Variants in OPCML observed in about 807,000 individuals in gnomAD.
The protein encoded by OPCML is opioid binding protein/cell adhesion molecule like.
A neutral mutation model predicts 37.8 loss-of-function variants in OPCML; 13 were observed. That is an observed-to-expected ratio of 0.34 (90% CI 0.22 to 0.55). The LOEUF (loss-of-function observed/expected upper bound fraction) is 0.55, where lower values mean the gene tolerates loss of function less well. Ranked by LOEUF, OPCML falls within the 20% of genes least tolerant of loss-of-function variation. OPCML has a pLI of 0.91. For missense variants in OPCML, 341 were observed against 435.6 expected, an observed-to-expected ratio of 0.78 and a Z score of 1.93; for synonymous variants, 176 against 168.8, an observed-to-expected ratio of 1.04 and a Z score of -0.33.
chr11:133,040,243 T>C (rs1329965915), intron 1 of OPCML, among the ~76,000 whole-genome samples: 5 of 152,146 alleles, frequency 3.3e-5, no homozygotes, highest in Non-Finnish European at 7.3e-5. Flanking sequence ...AATGCCTTCA[T>C]CACCTCCTCC....
At chr11:133,145,519 G>A (rs1949885348) in intron 1 of OPCML, among the ~76,000 whole-genome samples, 1 of 152,178 alleles carries the variant, frequency 6.6e-6, no homozygotes, top group Non-Finnish European at 1.5e-5. Context: ...AGTTTGATAA[G>A]GTCACAGTGT....
intron 1 of OPCML, among the ~76,000 whole-genome samples, chr11:133,467,889 T>A (rs1947012808): frequency 6.6e-6 from 1 of 152,184 alleles, no homozygotes; most frequent in African/African-American, 2.4e-5. Flanking sequence ...GGGGAAAGAA[T>A]GGCAGCTTTG....
At chr11:133,027,490 TTGTGTGTGTG>T (rs72047458) in intron 1 of OPCML, among the ~76,000 whole-genome samples, 1 of 110,966 alleles carries the variant, frequency 9.0e-6, no homozygotes, top group African/African-American at 3.3e-5. Flanking sequence ...TGTGTGTGTG[TTGTGTGTGTG>T]TGTGTGTAGT....
chr11:132,584,525 T>C (rs2096468502), intron 3 of OPCML, among the ~76,000 whole-genome samples: 1 of 152,224 alleles, frequency 6.6e-6, no homozygotes. Context: ...TTTAATTTCA[T>C]AAAGGATAAT....
At chr11:133,411,497 G>A (rs1945651135) in intron 1 of OPCML, among the ~76,000 whole-genome samples, 1 of 152,160 alleles carries the variant, frequency 6.6e-6, no homozygotes, top group Admixed American at 6.5e-5. Flanking sequence ...GCAGTCCCAG[G>A]CCTGGCCAGC....
intron 2 of OPCML, chr11:132,771,519 C>T (rs963389804): frequency 1.6e-4 from 25 of 152,158 alleles, no homozygotes; most frequent in African/African-American, 5.6e-4. Flanking sequence ...TCCTATTATC[C>T]TTGTTTATTT....
chr11:132,804,660 G>A (rs891733126), intron 2 of OPCML, among the ~76,000 whole-genome samples: 2 of 152,144 alleles, frequency 1.3e-5, no homozygotes, highest in African/African-American at 4.8e-5. Context: ...AATAGAGCAC[G>A]ACTTATGCTA....
chr11:132,756,507 G>A (rs1274683770), intron 2 of OPCML, among the ~76,000 whole-genome samples: 1 of 152,188 alleles, frequency 6.6e-6, no homozygotes, highest in African/African-American at 2.4e-5. Flanking sequence ...GTGCGACTGT[G>A]TTAACATTTA....
Position 132,991,536 on chromosome 11 carries a change from G to T in OPCML, c.62-48526C>A, listed in dbSNP as rs7941586. ...GAGCATCAATGAGCCCAAAGTGACAGCACAGTAAATAATTTGAAAGGGCTC... is the reference window on the plus strand; with the variant it reads ...GAGCATCAATGAGCCCAAAGTGACATCACAGTAAATAATTTGAAAGGGCTC... On this transcript the variant is annotated intron_variant, in intron 1 of 7. Coordinates refer to ENST00000524381, the MANE Select transcript of OPCML (RefSeq NM_001012393.5). 4.0e-3 allele frequency among the ~76,000 whole-genome samples: 611 copies of T among 152,298 alleles called. 5 individuals are homozygous for T. The highest frequency in any genetic ancestry group is 0.014 in the African/African-American group (572 of 41,562).
At chr11:132,991,771 C>G (rs1022511065) in intron 1 of OPCML, among the ~76,000 whole-genome samples, 15 of 152,110 alleles carry the variant, frequency 9.9e-5, no homozygotes, top group Non-Finnish European at 1.9e-4. Flanking sequence ...ATGTGGCCAC[C>G]CCAAGGTTGA....
chr11:132,725,422 C>T (rs966176756), intron 2 of OPCML, among the ~76,000 whole-genome samples: 4 of 152,154 alleles, frequency 2.6e-5, no homozygotes, highest in African/African-American at 9.7e-5. Context: ...CAGGAAACCA[C>T]TTTTTCCTCC....
chr11:133,461,970 A>C (rs534622031), intron 1 of OPCML, among the ~76,000 whole-genome samples: 1 of 152,090 alleles, frequency 6.6e-6, no homozygotes, highest in Non-Finnish European at 1.5e-5. Context: ...CAAGAAACAA[A>C]CCATAAAATA....
chr11:132,832,225 T>G (rs1940730077), intron 2 of OPCML, among the ~76,000 whole-genome samples: 1 of 131,908 alleles, frequency 7.6e-6, no homozygotes, highest in Admixed American at 8.0e-5. Context: ...AACCTCTTTT[T>G]TTTTTTTTGC....
chr11:133,271,316 G>C (rs1941823930), intron 1 of OPCML, among the ~76,000 whole-genome samples: 1 of 152,160 alleles, frequency 6.6e-6, no homozygotes, highest in Non-Finnish European at 1.5e-5. Context: ...AAAGTGTTAA[G>C]GGATAAAGCA....
intron 1 of OPCML, among the ~76,000 whole-genome samples, chr11:133,273,272 C>T (rs1208626608): frequency 6.6e-6 from 1 of 152,116 alleles, no homozygotes; most frequent in African/African-American, 2.4e-5. Context: ...GTCCTAGGAG[C>T]AAGGTGGGAA....
chr11:133,080,432 C>T (rs576099607), intron 1 of OPCML, among the ~76,000 whole-genome samples: 3 of 150,900 alleles, frequency 2.0e-5, no homozygotes, highest in East Asian at 1.9e-4. Flanking sequence ...TCCATACTTG[C>T]AGCGGCACCG....
rs1017640896 is a variant in OPCML at position 133,311,575 on chromosome 11, C to T, written c.61+220689G>A. Among the ~76,000 whole-genome samples, 15 of 151,992 alleles carry T rather than the reference C, an allele frequency of 9.9e-5. No individual in the cohort carries two copies. In the South Asian group the frequency reaches 2.7e-3, roughly 27 times the overall value. On this transcript the variant is annotated intron_variant, in intron 1 of 7. Coordinates refer to ENST00000524381, the MANE Select transcript of OPCML (RefSeq NM_001012393.5). The stretch of plus-strand genomic sequence containing the variant: ...AAGAAATAAACTCTAAATAGGAAGA[C>T]AGGACGTAGTGTTCTAAAAAATGTA...
intron 1 of OPCML, among the ~76,000 whole-genome samples, chr11:133,176,337 C>CT (rs3049633): frequency 0.2 from 28,605 of 139,906 alleles, 3,857 homozygotes; most frequent in African/African-American, 0.39. Flanking sequence ...CTTCATTTTC[C>CT]TTTTTTTTTT....
chr11:133,181,637 C>T (rs1161506305), intron 1 of OPCML, among the ~76,000 whole-genome samples: 2 of 152,162 alleles, frequency 1.3e-5, no homozygotes, highest in Non-Finnish European at 2.9e-5. Context: ...GCTAAGATCC[C>T]TCTCAGAGCT....
Sources: allele counts gnomAD v4.1 joint callset (sites outside exome capture counted in the v4.1 genomes callset), GRCh38; gene constraint gnomAD v4.1.1; transcripts MANE v1.5; gene names NCBI Gene and HGNC (gene_info 2026-07-23, HGNC 2026-07-21).